The following LY86 variants were observed in gnomAD, a reference collection of about 807,000 sequenced individuals.
LY86 encodes lymphocyte antigen 86.
LY86 carries 20 observed loss-of-function variants against 17.3 expected under a neutral mutation model. The observed-to-expected ratio is 1.15, with a 90% CI of 0.81 to 1.68. The LOEUF is 1.68. Among genes scored for constraint, LY86 ranks in the 40% most tolerant of loss-of-function variants. The pLI, the probability that LY86 is intolerant of heterozygous loss-of-function variation, is 0.00. For missense variants in LY86, 200 were observed against 191.9 expected, an observed-to-expected ratio of 1.04 and a Z score of -0.25; for synonymous variants, 74 against 70.6, an observed-to-expected ratio of 1.05 and a Z score of -0.24.
intron 3 of LY86, among the ~76,000 whole-genome samples, chr6:6,646,643 A>C (rs1762112037): frequency 6.6e-6 from 1 of 152,178 alleles, no homozygotes; most frequent in African/African-American, 2.4e-5. Context: ...TGACTGCAAT[A>C]ATAGAAACTC....
intron 1 of LY86, among the ~76,000 whole-genome samples, chr6:6,599,022 T>C (rs1217105386): frequency 6.6e-6 from 1 of 152,202 alleles, no homozygotes; most frequent in African/African-American, 2.4e-5. Flanking sequence ...TCTGTTCCAT[T>C]TTTCCCAAGA....
intron 1 of LY86, among the ~76,000 whole-genome samples, chr6:6,611,691 CGT>C (rs955204717): frequency 1.3e-5 from 2 of 152,330 alleles, no homozygotes; most frequent in South Asian, 4.1e-4. Context: ...GCGCGCCGGT[CGT>C]GTTTGTCCCC....
chr6:6,629,092 T>G (rs1761854500), intron 3 of LY86, among the ~76,000 whole-genome samples: 1 of 152,240 alleles, frequency 6.6e-6, no homozygotes, highest in Admixed American at 6.5e-5. Flanking sequence ...TTTGCCTTAT[T>G]TGAAGGTTGG....
intron 4 of LY86, among the ~76,000 whole-genome samples, chr6:6,654,095 C>G (rs1373537064): frequency 3.9e-5 from 6 of 152,202 alleles, no homozygotes; most frequent in African/African-American, 1.4e-4. Flanking sequence ...CCCCCCCATC[C>G]CCCCACTCCC....
chr6:6,639,824 T>C (rs944194658), intron 3 of LY86, among the ~76,000 whole-genome samples: 1 of 151,932 alleles, frequency 6.6e-6, no homozygotes, highest in Non-Finnish European at 1.5e-5. Context: ...TTTTGGGGGG[T>C]CCTGCACAAC....
At chr6:6,621,681 C>T (rs1161090565) in intron 1 of LY86, among the ~76,000 whole-genome samples, 1 of 152,192 alleles carries the variant, frequency 6.6e-6, no homozygotes, top group Non-Finnish European at 1.5e-5. Context: ...ATATCCAAAA[C>T]AAAATGTCAA....
intron 1 of LY86, among the ~76,000 whole-genome samples, chr6:6,595,329 G>C (rs1287745015): frequency 1.4e-5 from 2 of 146,338 alleles, no homozygotes; most frequent in Non-Finnish European, 3.0e-5. Flanking sequence ...AGAGGAGGAA[G>C]AGGAGAGAAA....
At chr6:6,625,293 A>G (rs1761766474) in intron 2 of LY86, among the ~76,000 whole-genome samples, 1 of 152,220 alleles carries the variant, frequency 6.6e-6, no homozygotes, top group Non-Finnish European at 1.5e-5. Flanking sequence ...AGCAAAAAAA[A>G]AGGAAAATAT....
At chr6:6,627,188 C>G (rs1761804906) in intron 3 of LY86, among the ~76,000 whole-genome samples, 1 of 152,176 alleles carries the variant, frequency 6.6e-6, no homozygotes, top group South Asian at 2.1e-4. Flanking sequence ...CTCCCACTGG[C>G]CAAGGCAGGG....
chr6:6,605,574 G>A (rs150565999), intron 1 of LY86, among the ~76,000 whole-genome samples: 4 of 152,234 alleles, frequency 2.6e-5, no homozygotes, highest in Non-Finnish European at 5.9e-5. Flanking sequence ...GTGGGAGAAA[G>A]CGCATGACAG....
At chr6:6,599,895 T>G (rs1760844109) in intron 1 of LY86, among the ~76,000 whole-genome samples, 1 of 152,130 alleles carries the variant, frequency 6.6e-6, no homozygotes, top group African/African-American at 2.4e-5. Flanking sequence ...AACCATCACA[T>G]GAAGCAAACT....
At chr6:6,603,795 C>T (rs1465514745) in intron 1 of LY86, among the ~76,000 whole-genome samples, 1 of 151,738 alleles carries the variant, frequency 6.6e-6, no homozygotes, top group Non-Finnish European at 1.5e-5. Context: ...TTGATCCCTC[C>T]ATGAAGCTAC....
chr6:6,592,358 G>C (rs1760556132), intron 1 of LY86, among the ~76,000 whole-genome samples: 1 of 152,138 alleles, frequency 6.6e-6, no homozygotes, highest in East Asian at 1.9e-4. Flanking sequence ...TAAATCACGA[G>C]TCCCACGGTT....
In LY86 at chr6:6,627,611, T is replaced by G. The variant is rs369263566; in HGVS notation, c.352+1190T>G. Among the ~76,000 whole-genome samples, 7 of 152,278 alleles carry G rather than the reference T, an allele frequency of 4.6e-5. No individual in the cohort carries two copies. The East Asian group carries it at 1.2e-3, about 25-fold the overall frequency. On this transcript the variant is annotated intron_variant, in intron 3 of 4. Transcript: ENST00000230568. ...AGGGTAGGGTCATATCACCTTTGTC[T>G]TTTTATTCCCAGTATTTCAAATGTG...
At chr6:6,649,503 C>CCG in intron 3 of LY86, 122 bp from the exon 4 acceptor site, 1 of 469,412 alleles carries the variant, frequency 2.1e-6, no homozygotes, top group South Asian at 4.2e-5. Flanking sequence ...ACATTTCTAG[C>CCG]AATAGCTGCT....
At chr6:6,594,105 C>T (rs1272523388) in intron 1 of LY86, among the ~76,000 whole-genome samples, 1 of 152,222 alleles carries the variant, frequency 6.6e-6, no homozygotes, top group Non-Finnish European at 1.5e-5. Flanking sequence ...ATTTCACATG[C>T]TTTGACATCA....
chr6:6,596,651 G>A (rs556939494), intron 1 of LY86, among the ~76,000 whole-genome samples: 95 of 152,266 alleles, frequency 6.2e-4, no homozygotes, highest in African/African-American at 2.2e-3. Flanking sequence ...TTAAAGAGAG[G>A]AAGTTGATAA....
intron 4 of LY86, among the ~76,000 whole-genome samples, chr6:6,652,803 G>C (rs1762207316): frequency 1.3e-5 from 2 of 152,114 alleles, no homozygotes; most frequent in South Asian, 2.1e-4. Flanking sequence ...TCTTATACCA[G>C]AGTCTGTGAT....
chr6:6,590,053 G>A (rs1760475817), intron 1 of LY86, among the ~76,000 whole-genome samples: 1 of 148,834 alleles, frequency 6.7e-6, no homozygotes, highest in South Asian at 2.2e-4. Flanking sequence ...AGGAGGTGGA[G>A]GTTGCAGTGA....
Sources: allele counts gnomAD v4.1 joint callset (sites outside exome capture counted in the v4.1 genomes callset), GRCh38; gene constraint gnomAD v4.1.1; transcripts MANE v1.5; gene names NCBI Gene and HGNC (gene_info 2026-07-23, HGNC 2026-07-21).